Variants in DNAAF9 observed in about 807,000 individuals in gnomAD.
DNAAF9 encodes the protein shulin.
In DNAAF9, 90 loss-of-function variants were observed where a neutral mutation model predicts 167.0. That is an observed-to-expected ratio of 0.54 (90% CI 0.45 to 0.64). The LOEUF (loss-of-function observed/expected upper bound fraction) is 0.64, where lower values mean the gene tolerates loss of function less well. Ranked by LOEUF, DNAAF9 falls within the 30% of genes least tolerant of loss-of-function variation. The probability of loss-of-function intolerance (pLI) is 0.00; values close to 1 mark genes in which losing one functional copy is unlikely to be tolerated. For missense variants in DNAAF9, 1,315 were observed against 1,442.2 expected (o/e 0.91, Z 1.43); for synonymous variants, 491 against 508.8 (o/e 0.96, Z 0.47).
intron 14 of DNAAF9, among the ~76,000 whole-genome samples, chr20:3,323,044 C>T (rs993930659): frequency 6.6e-6 from 1 of 151,848 alleles, no homozygotes; most frequent in African/African-American, 2.4e-5. Flanking sequence ...CACGTCTCTG[C>T]AACTCACAGT....
At position 3,407,602 on chromosome 20, in the gene DNAAF9, G is replaced by C; in HGVS notation, c.-45C>G. 8.3e-7 allele frequency: 1 copy of C among 1,211,024 alleles called. No homozygotes were observed. Among genetic ancestry groups the C allele is most frequent in the Non-Finnish European group, 1.0e-6 (1 of 974,508 alleles). 75.0% of individuals were successfully genotyped at this position (1,211,024 alleles called of 1,614,324 possible). On this transcript the variant is annotated 5_prime_UTR_variant, in exon 1 of 37. Transcript: ENST00000252032. ...CGGAGGAGGACGGTGCAGCTGCGAG[G>C]GTCTCAGTTGCCCGCAGGGCGGCTC...
At chr20:3,322,429 C>T (rs932632278) in intron 15 of DNAAF9, among the ~76,000 whole-genome samples, 167 bp from the exon 16 acceptor site, 5 of 152,166 alleles carry the variant, frequency 3.3e-5, no homozygotes, top group Non-Finnish European at 7.3e-5. Flanking sequence ...ATGTGGGCCA[C>T]TAAGGTGAGT....
chr20:3,394,959 T>TCTGAGACAGCCTTGATCTG (rs1568647966), intron 1 of DNAAF9, among the ~76,000 whole-genome samples: 19 of 26,726 alleles, frequency 7.1e-4, no homozygotes, highest in African/African-American at 1.6e-3. Context: ...CTTTTTTTTT[T>TCTGAGACAGCCTTGATCTG]TTTTTTTTTT....
intron 7 of DNAAF9, among the ~76,000 whole-genome samples, chr20:3,350,140 G>GACACACACACACACACACACACACAC (rs1491384105): frequency 1.2e-4 from 14 of 115,790 alleles, no homozygotes; most frequent in Non-Finnish European, 2.3e-4. Flanking sequence ...CAGACACACA[G>GACACACACACACACACACACACACAC]ACACACAGAC....
At chr20:3,397,461 C>T (rs1367873925) in intron 1 of DNAAF9, among the ~76,000 whole-genome samples, 3 of 151,802 alleles carry the variant, frequency 2.0e-5, no homozygotes, top group South Asian at 2.1e-4. Context: ...TGGGATTACA[C>T]GCACCTGCCA....
intron 23 of DNAAF9, chr20:3,296,063 G>A: frequency 2.5e-6 from 2 of 788,318 alleles, no homozygotes; most frequent in South Asian, 1.3e-5. Flanking sequence ...CTCATCTGGA[G>A]TTACTGTTAG....
intron 7 of DNAAF9, 37 bp from the exon 8 acceptor site, chr20:3,348,660 T>C (rs775133190): frequency 6.3e-6 from 8 of 1,276,148 alleles, no homozygotes; most frequent in South Asian, 1.3e-5. Context: ...TGTTTGGTCA[T>C]ATAAAGGAGG....
intron 33 of DNAAF9, among the ~76,000 whole-genome samples, chr20:3,256,536 A>G (rs1400932246): frequency 6.6e-6 from 1 of 152,180 alleles, no homozygotes; most frequent in Non-Finnish European, 1.5e-5. Context: ...AAAGGAAAAG[A>G]AAGGATGGAG....
At chr20:3,345,340 T>G (rs1309879002) in intron 8 of DNAAF9, among the ~76,000 whole-genome samples, 1 of 152,182 alleles carries the variant, frequency 6.6e-6, no homozygotes, top group Admixed American at 6.5e-5. Context: ...TACTTAAAAT[T>G]TATCGTGGGC....
At chr20:3,316,996 G>C (rs930193719) in intron 17 of DNAAF9, among the ~76,000 whole-genome samples, 2 of 144,410 alleles carry the variant, frequency 1.4e-5, no homozygotes, top group Admixed American at 7.4e-5. Flanking sequence ...GCAAGTTCAA[G>C]CAACTCTCTT....
chr20:3,407,175 A>AT (rs2084071733), intron 1 of DNAAF9, among the ~76,000 whole-genome samples: 1 of 152,114 alleles, frequency 6.6e-6, no homozygotes, highest in South Asian at 2.1e-4. Flanking sequence ...TGAGGACGTC[A>AT]TAACAGTGTC....
intron 16 of DNAAF9, among the ~76,000 whole-genome samples, chr20:3,320,409 T>C (rs916503386): frequency 6.6e-6 from 1 of 152,180 alleles, no homozygotes; most frequent in African/African-American, 2.4e-5. Context: ...TCCTGCCTCT[T>C]ATTTCCTATC....
At chr20:3,363,425 T>C (rs1229349452) in intron 6 of DNAAF9, among the ~76,000 whole-genome samples, 2 of 151,148 alleles carry the variant, frequency 1.3e-5, no homozygotes, top group East Asian at 1.9e-4. Flanking sequence ...GACCATGCCA[T>C]TGCTCTCCAG....
chr20:3,310,333 A>AAGAAAAAAG (rs1555790605), intron 20 of DNAAF9, among the ~76,000 whole-genome samples: 1 of 106,098 alleles, frequency 9.4e-6, no homozygotes, highest in Non-Finnish European at 1.9e-5. Flanking sequence ...AAGAGAAAGA[A>AAGAAAAAAG]AAAGAAAGAA....
intron 20 of DNAAF9, among the ~76,000 whole-genome samples, chr20:3,311,197 G>C (rs1320729244): frequency 6.6e-6 from 1 of 152,160 alleles, no homozygotes; most frequent in Non-Finnish European, 1.5e-5. Flanking sequence ...CTGGAGTACA[G>C]TGGTGAGATC....
At chr20:3,255,863 C>A in intron 34 of DNAAF9, 143 bp downstream of exon 34, 1 of 642,054 alleles carries the variant, frequency 1.6e-6, no homozygotes, top group Non-Finnish European at 2.8e-6. Context: ...CTCAAAGTGT[C>A]CCTGCAAGTG....
At position 3,252,674 on chromosome 20, in the gene DNAAF9, C is replaced by T; in HGVS notation, c.3432G>A (p.Gln1144=). ...CTTCTTCCACGTAGTCATTCATGAA[C>T]TGGTCCATGACTGGTATCTCATTAA... is the stretch of plus-strand genomic sequence containing the variant. ...DKTDFHPLMD[Q]FMNDYVEEAN... The change falls in exon 37 of 37, where the codon CAG becomes CAA. Residue 1144 remains glutamine (Q), a synonymous_variant. Transcript: ENST00000252032. 6.3e-7 allele frequency: 1 copy of T among 1,593,218 alleles called. No homozygotes were observed. Among genetic ancestry groups the T allele is most frequent in the Non-Finnish European group, 8.6e-7 (1 of 1,160,916 alleles).
chr20:3,270,504 A>G lies in DNAAF9; in HGVS notation c.2709T>C (p.Leu903=), dbSNP rs1214489397. The G allele has an allele frequency of 6.2e-7, 1 of 1,612,850 alleles. No individual in the cohort carries two copies. Among genetic ancestry groups the G allele is most frequent in the African/African-American group, 1.3e-5 (1 of 74,904 alleles). ...SHTTEQRHPL[L]VQLQSLIRAA... ...CCCTGATGAGGCTCTGCAGCTGAAC[A>G]AGGAGAGGGTGCCGCTGCTCCGTGG... The change falls in exon 30 of 37, where the codon CTT becomes CTC. Residue 903 remains leucine, a synonymous_variant. Coordinates refer to ENST00000252032, the MANE Select transcript of DNAAF9 (RefSeq NM_001009984.3).
chr20:3,405,513 T>C (rs548522682), intron 1 of DNAAF9, among the ~76,000 whole-genome samples: 1 of 152,316 alleles, frequency 6.6e-6, no homozygotes, highest in African/African-American at 2.4e-5. Flanking sequence ...GCAAATTTCT[T>C]TCACCAAAGG....
Sources: gnomAD v4.1 joint callset for allele counts (sites outside exome capture counted in the v4.1 genomes callset) on GRCh38, gnomAD v4.1.1 for gene constraint, MANE v1.5 for transcripts, NCBI Gene and HGNC (gene_info 2026-07-23, HGNC 2026-07-21) for gene names.